EIF2AK4: variants seen among roughly 807,000 people sequenced by gnomAD.
EIF2AK4 encodes eIF-2-alpha kinase GCN2.
A neutral mutation model predicts 211.1 loss-of-function variants in EIF2AK4; 139 were observed. The observed-to-expected ratio is 0.66, with a 90% confidence interval of 0.57 to 0.76. The LOEUF is 0.76. EIF2AK4 is among the 30% of genes least tolerant of loss of function. The pLI, the probability that EIF2AK4 is intolerant of heterozygous loss-of-function variation, is 0.00. For synonymous variants in EIF2AK4, 710 were observed against 751.3 expected (o/e 0.94, Z 0.90); for missense variants, 1,664 against 2,043.8 (o/e 0.81, Z 3.58).
intron 4 of EIF2AK4, 51 bp downstream of exon 4, chr15:39,949,319 A>G: frequency 1.9e-6 from 3 of 1,603,014 alleles, no homozygotes; most frequent in Non-Finnish European, 2.6e-6. Flanking sequence ...GGAGGATTGC[A>G]AACTACTGTA....
At position 40,001,363 on chromosome 15, in the gene EIF2AK4, A is replaced by G. The variant is rs2035088810; in HGVS notation, c.3159+139A>G. ...GGAAGCCCCTAAAAGTACATGCAAA[A>G]TGTGTGTATATGCATTCAGGGAAGA... On this transcript the variant is annotated intron_variant, in intron 21 of 38. Coordinates refer to ENST00000263791, the MANE Select transcript of EIF2AK4 (RefSeq NM_001013703.4). 1.7e-5 allele frequency: 13 copies of G among 782,434 alleles called. No homozygotes were observed. The highest frequency in any genetic ancestry group is 2.7e-5 in the Non-Finnish European group (13 of 489,922). 48.5% of individuals were successfully genotyped at this position (782,434 alleles called of 1,614,324 possible).
At chr15:39,947,230 ATTT>A (rs2034241500) in intron 3 of EIF2AK4, among the ~76,000 whole-genome samples, 1 of 152,138 alleles carries the variant, frequency 6.6e-6, no homozygotes. Flanking sequence ...TTCTAAAGAA[ATTT>A]TTTTATTTTC....
chr15:39,950,448 G>A (rs1031895698), intron 4 of EIF2AK4, among the ~76,000 whole-genome samples: 11 of 152,078 alleles, frequency 7.2e-5, no homozygotes, highest in African/African-American at 2.2e-4. Context: ...AAAATTAGCC[G>A]GGTGTGGTGG....
At chr15:39,946,545 C>A (rs1302125441) in intron 3 of EIF2AK4, 1 of 702,160 alleles carries the variant, frequency 1.4e-6, no homozygotes, top group African/African-American at 1.7e-5. Context: ...GTTGAAATGA[C>A]AATCGAGCAT....
Position 39,976,458 on chromosome 15 carries a change from C to A in EIF2AK4, c.1863C>A (p.Ile621=). The A allele has an allele frequency of 1.2e-6, 2 of 1,610,142 alleles. No individual in the cohort carries two copies. The highest frequency in any genetic ancestry group is 2.2e-5 in the East Asian group (1 of 44,654). The change falls in exon 12 of 39, where the codon ATC becomes ATA. Residue 621 remains isoleucine, a synonymous_variant. Coordinates refer to ENST00000263791, the MANE Select transcript of EIF2AK4 (RefSeq NM_001013703.4). ...LDGCCYAVKR[I]PINPASRQFR... is the part of the protein sequence containing the mutation. The stretch of plus-strand genomic sequence containing the variant: ...GCTGCTGCTACGCAGTGAAGCGCAT[C>A]CCCATCAACCCGGCCAGCCGGCAGT...
rs147489564 is a variant in EIF2AK4, at chr15:40,033,721, A to G, written c.4774-605A>G. On this transcript the variant is annotated intron_variant, in intron 37 of 38. Transcript: ENST00000263791. ...ATGGATATACTTAAGAGCTGCTATC[A>G]CCGTTGTACAAAAAGTAAACAGAGG... Among the ~76,000 whole-genome samples, 562 of 152,306 alleles carry G rather than the reference A, an allele frequency of 3.7e-3. 4 individuals are homozygous for G. Among genetic ancestry groups the G allele is most frequent in the African/African-American group, 0.013 (525 of 41,560 alleles).
At chr15:39,941,489 A>T (rs1566979993) in intron 2 of EIF2AK4, among the ~76,000 whole-genome samples, 1 of 152,160 alleles carries the variant, frequency 6.6e-6, no homozygotes, top group African/African-American at 2.4e-5. Flanking sequence ...TCAAATATAT[A>T]TTTTTTTATT....
chr15:40,014,869 T>C (rs1365515022), intron 27 of EIF2AK4, among the ~76,000 whole-genome samples: 1 of 152,224 alleles, frequency 6.6e-6, no homozygotes. Flanking sequence ...AAGTCACCTC[T>C]TGATGCTTTG....
intron 6 of EIF2AK4, among the ~76,000 whole-genome samples, chr15:39,959,527 T>C (rs770840950): frequency 2.2e-4 from 33 of 152,200 alleles, no homozygotes; most frequent in Admixed American, 1.6e-3. Flanking sequence ...AGTTATTCCT[T>C]AATCTTACAG....
chr15:39,969,898 A>G (rs1042297503), intron 9 of EIF2AK4, among the ~76,000 whole-genome samples: 1 of 152,186 alleles, frequency 6.6e-6, no homozygotes, highest in Non-Finnish European at 1.5e-5. Flanking sequence ...TTTTGTTTCA[A>G]ATCAGCCTCT....
At position 40,009,641 on chromosome 15, in the gene EIF2AK4, C is replaced by T; in HGVS notation, c.3604C>T (p.His1202Tyr). The T allele has an allele frequency of 1.4e-5, 23 of 1,601,892 alleles. No homozygotes were observed. The highest frequency in any genetic ancestry group is 2.0e-5 in the Non-Finnish European group (23 of 1,175,264). ...AAGAAATTACAGTATTTATTTGAACCATACCATGTTATTGAAAGCAATACT... is the reference window on the plus strand; with the variant it reads ...AAGAAATTACAGTATTTATTTGAACTATACCATGTTATTGAAAGCAATACT... ...QERNYSIYLNHTMLLKAILLH... is the reference protein window; with the variant it reads ...QERNYSIYLNYTMLLKAILLH... Residue 1202 changes from histidine (H) to tyrosine (Y), a missense_variant, in exon 26 of 39, where the codon CAT becomes TAT. Physicochemically the swap from His to Tyr is moderately conservative, Grantham distance 83. Around this residue, in one of 7 missense-constraint regions of EIF2AK4, gnomAD observed 622 missense variants for 796.8 expected, o/e 0.78. Coordinates refer to ENST00000263791, the MANE Select transcript of EIF2AK4 (RefSeq NM_001013703.4).
rs1314656599 is a variant in EIF2AK4, at chr15:39,976,768, G to T, written c.2173G>T (p.Ala725Ser). 4 of 1,594,190 alleles carry T rather than the reference G, an allele frequency of 2.5e-6. No individual in the cohort carries two copies. The African/African-American group carries it at 4.1e-5, about 16-fold the overall frequency. The change falls in exon 12 of 39, where the codon GCC becomes TCC. Residue 725 changes from alanine (A) to serine (S), a missense_variant. By Grantham distance (99) the Ala-to-Ser change is moderately conservative. Around this residue, in one of 7 missense-constraint regions of EIF2AK4, gnomAD observed 206 missense variants for 201.9 expected, o/e 1.02. Transcript: ENST00000263791. Reference protein sequence around the residue: ...GERSASARFPATGPGSSDDED... With the variant: ...GERSASARFPSTGPGSSDDED... Reference sequence around the variant, plus strand: ...GCGCTCGGCCAGTGCCCGTTTCCCCGCCACCGGCCCGGGCTCCAGCGATGA... The same window carrying T: ...GCGCTCGGCCAGTGCCCGTTTCCCCTCCACCGGCCCGGGCTCCAGCGATGA...
chr15:40,003,145 A>G lies in EIF2AK4; in HGVS notation c.3236-48A>G, dbSNP rs55771424. On this transcript the variant is annotated intron_variant, in intron 22 of 38. Coordinates refer to ENST00000263791, the MANE Select transcript of EIF2AK4 (RefSeq NM_001013703.4). ...TGTGTTAATTTTAGGTTGCCTTCTAAGGAGAATGTGAACCTGATGATGAGC... is the reference window on the plus strand; with the variant it reads ...TGTGTTAATTTTAGGTTGCCTTCTAGGGAGAATGTGAACCTGATGATGAGC... 9,230 of 1,605,230 alleles carry G rather than the reference A, an allele frequency of 5.7e-3. 39 individuals are homozygous for G. Among genetic ancestry groups the G allele is most frequent in the Non-Finnish European group, 7.1e-3 (8,358 of 1,174,762 alleles).
intron 6 of EIF2AK4, among the ~76,000 whole-genome samples, chr15:39,960,733 A>G (rs2034459754): frequency 6.6e-6 from 1 of 152,126 alleles, no homozygotes; most frequent in African/African-American, 2.4e-5. Context: ...AAAGGGACTA[A>G]CTAATAGACT....
intron 33 of EIF2AK4, among the ~76,000 whole-genome samples, chr15:40,027,238 T>A (rs996158408): frequency 4.6e-5 from 7 of 152,238 alleles, no homozygotes; most frequent in African/African-American, 1.7e-4. Flanking sequence ...AACACTTTAG[T>A]AGAAGAAATG....
At chr15:39,970,789 G>A (rs78572955) in intron 9 of EIF2AK4, among the ~76,000 whole-genome samples, 7,901 of 152,174 alleles carry the variant, frequency 0.052, 611 homozygotes, top group East Asian at 0.2. Flanking sequence ...TTTAATATTT[G>A]CAAGGAGAAG....
intron 3 of EIF2AK4, among the ~76,000 whole-genome samples, chr15:39,948,313 G>GA (rs1282781730): frequency 1.3e-5 from 2 of 151,950 alleles, no homozygotes; most frequent in South Asian, 4.1e-4. Flanking sequence ...CTGTAACTGA[G>GA]AAAAAAAATC....
At chr15:39,962,954 A>C (rs1227606582) in intron 7 of EIF2AK4, among the ~76,000 whole-genome samples, 1 of 152,218 alleles carries the variant, frequency 6.6e-6, no homozygotes, top group Non-Finnish European at 1.5e-5. Context: ...TTTTTGCCAG[A>C]AGTAACAGGT....
chr15:39,958,176 T>C (rs2034417986), intron 6 of EIF2AK4, among the ~76,000 whole-genome samples: 1 of 152,196 alleles, frequency 6.6e-6, no homozygotes, highest in African/African-American at 2.4e-5. Flanking sequence ...CACTGCCTTG[T>C]TTCTGGGATG....
Sources: gnomAD v4.1 joint callset for allele counts (sites outside exome capture counted in the v4.1 genomes callset) on GRCh38, gnomAD v4.1.1 for gene constraint, gnomAD v4.1.1 regional missense constraint, MANE v1.5 for transcripts, NCBI Gene and HGNC (gene_info 2026-07-23, HGNC 2026-07-21) for gene names.